Variants in COMMD10 observed in about 807,000 individuals in gnomAD.
COMMD10 encodes COMM domain-containing protein 10.
A neutral mutation model predicts 28.9 loss-of-function variants in COMMD10; 33 were observed. The observed-to-expected ratio is 1.14, with a 90% CI of 0.87 to 1.53. COMMD10 has a LOEUF of 1.53. COMMD10 is among the 40% of genes most tolerant of loss of function. The pLI is 0.00. For missense variants in COMMD10, 310 were observed against 233.4 expected, an observed-to-expected ratio of 1.33 and a Z score of -2.14; for synonymous variants, 110 against 81.7, an observed-to-expected ratio of 1.35 and a Z score of -1.87.
intron 5 of COMMD10, among the ~76,000 whole-genome samples, chr5:116,181,158 T>G (rs531841594): frequency 6.6e-6 from 1 of 152,076 alleles, no homozygotes; most frequent in African/African-American, 2.4e-5. Flanking sequence ...AATTATAAAA[T>G]AAAAAAGTCT....
intron 5 of COMMD10, among the ~76,000 whole-genome samples, chr5:116,203,352 A>G (rs1748721483): frequency 6.6e-6 from 1 of 152,140 alleles, no homozygotes. Flanking sequence ...CCAATCTAGC[A>G]AGGCAGGCCA....
At chr5:116,096,069 A>G (rs1750457804) in intron 4 of COMMD10, among the ~76,000 whole-genome samples, 2 of 152,092 alleles carry the variant, frequency 1.3e-5, no homozygotes, top group African/African-American at 4.8e-5. Flanking sequence ...CTTCTTTTTT[A>G]TAATTGTTTT....
intron 5 of COMMD10, among the ~76,000 whole-genome samples, chr5:116,153,221 TG>T (rs1486204363): frequency 2.6e-5 from 4 of 152,134 alleles, no homozygotes; most frequent in African/African-American, 9.6e-5. Context: ...CAAATTAAAA[TG>T]GAGTCTAATT....
At chr5:116,128,050 G>A (rs186955881) in intron 4 of COMMD10, among the ~76,000 whole-genome samples, 1 of 152,036 alleles carries the variant, frequency 6.6e-6, no homozygotes, top group Non-Finnish European at 1.5e-5. Context: ...TATTCTTGCT[G>A]TGGGACATAG....
chr5:116,287,352 T>G (rs1751245064), intron 5 of COMMD10, among the ~76,000 whole-genome samples: 1 of 151,764 alleles, frequency 6.6e-6, no homozygotes, highest in Non-Finnish European at 1.5e-5. Flanking sequence ...CTTGTAATGG[T>G]TTTTTATTTA....
chr5:116,270,868 G>A (rs1750734196), intron 5 of COMMD10, among the ~76,000 whole-genome samples: 1 of 149,468 alleles, frequency 6.7e-6, no homozygotes, highest in South Asian at 2.1e-4. Flanking sequence ...GTACCTGGGA[G>A]GTGGAGGTTG....
chr5:116,238,576 T>TAACA (rs1749737482), intron 5 of COMMD10, among the ~76,000 whole-genome samples: 1 of 152,188 alleles, frequency 6.6e-6, no homozygotes, highest in Admixed American at 6.5e-5. Flanking sequence ...ATAGAAGGAC[T>TAACA]AACAGTATAC....
chr5:116,153,977 A>C (rs1345695298), intron 5 of COMMD10, among the ~76,000 whole-genome samples: 1 of 152,028 alleles, frequency 6.6e-6, no homozygotes, highest in Admixed American at 6.6e-5. Context: ...ATAAAATAGA[A>C]TCCATACTGG....
intron 4 of COMMD10, among the ~76,000 whole-genome samples, chr5:116,097,677 G>A (rs1580441716): frequency 1.3e-5 from 2 of 152,084 alleles, no homozygotes; most frequent in East Asian, 1.9e-4. Context: ...ATTTGCCCAC[G>A]GTTCTGCAGG....
At chr5:116,215,726 A>G (rs1390333608) in intron 5 of COMMD10, among the ~76,000 whole-genome samples, 5 of 107,394 alleles carry the variant, frequency 4.7e-5, no homozygotes, top group Non-Finnish European at 1.9e-5. Flanking sequence ...ATATATATAT[A>G]TATATGTATA....
chr5:116,257,719 A>G (rs1045538134), intron 5 of COMMD10, among the ~76,000 whole-genome samples: 2 of 151,730 alleles, frequency 1.3e-5, no homozygotes, highest in Admixed American at 6.6e-5. Flanking sequence ...TTCAGAAAGA[A>G]ATAATATATC....
At chr5:116,201,096 T>A (rs551062016) in intron 5 of COMMD10, among the ~76,000 whole-genome samples, 19 of 152,150 alleles carry the variant, frequency 1.2e-4, no homozygotes, top group African/African-American at 3.4e-4. Flanking sequence ...TTGGGTATTT[T>A]CTTTCTCCCA....
chr5:116,222,087 A>C (rs989707493), intron 5 of COMMD10, among the ~76,000 whole-genome samples: 1 of 152,194 alleles, frequency 6.6e-6, no homozygotes, highest in East Asian at 1.9e-4. Flanking sequence ...CATAGGAGGA[A>C]AAAGAATGTT....
intron 5 of COMMD10, among the ~76,000 whole-genome samples, chr5:116,175,132 C>T (rs528331676): frequency 5.0e-4 from 76 of 152,118 alleles, no homozygotes; most frequent in African/African-American, 1.7e-3. Flanking sequence ...AAAACACTCC[C>T]GCATTACTTT....
chr5:116,270,264 G>A (rs1200504986), intron 5 of COMMD10, among the ~76,000 whole-genome samples: 3 of 151,798 alleles, frequency 2.0e-5, no homozygotes, highest in Non-Finnish European at 2.9e-5. Flanking sequence ...GCTGGGTGTT[G>A]GGTTACAGGC....
intron 5 of COMMD10, among the ~76,000 whole-genome samples, chr5:116,162,373 T>A (rs1752946231): frequency 6.6e-6 from 1 of 152,072 alleles, no homozygotes; most frequent in African/African-American, 2.4e-5. Flanking sequence ...ATTTATGAAA[T>A]CTTTTTTGCT....
At chr5:116,118,516 T>TA (rs111416015) in intron 4 of COMMD10, among the ~76,000 whole-genome samples, 123,617 of 151,980 alleles carry the variant, frequency 0.81, 50,402 homozygotes, top group Non-Finnish European at 0.83. Flanking sequence ...GGGATATTTT[T>TA]TTTATTGACA....
chr5:116,283,110 T>C (rs1176296368), intron 5 of COMMD10, among the ~76,000 whole-genome samples: 1 of 151,874 alleles, frequency 6.6e-6, no homozygotes, highest in Non-Finnish European at 1.5e-5. Context: ...CAAAACATCT[T>C]ACATATAAAT....
intron 5 of COMMD10, among the ~76,000 whole-genome samples, chr5:116,183,357 G>A (rs1748037225): frequency 1.3e-5 from 2 of 152,096 alleles, no homozygotes; most frequent in Admixed American, 6.6e-5. Context: ...AATGCCTGAA[G>A]TAGTTTTGAA....
Sources: allele counts gnomAD v4.1 joint callset (sites outside exome capture counted in the v4.1 genomes callset), GRCh38; gene constraint gnomAD v4.1.1; transcripts MANE v1.5; gene names NCBI Gene and HGNC (gene_info 2026-07-23, HGNC 2026-07-21).